The following APLF variants were observed in gnomAD, a reference collection of about 807,000 sequenced individuals.
The protein encoded by APLF is aprataxin and PNKP like factor, also known as aprataxin and PNK-like factor.
A neutral mutation model predicts 55.6 loss-of-function variants in APLF; 61 were observed. The observed-to-expected ratio is 1.10, with a 90% CI of 0.89 to 1.36. APLF has a LOEUF of 1.36. Among genes scored for constraint, APLF ranks in the 40% most tolerant of loss-of-function variants. The probability of loss-of-function intolerance (pLI) is 0.00; values close to 1 mark genes in which losing one functional copy is unlikely to be tolerated. For missense variants in APLF, 611 were observed against 602.5 expected (o/e 1.01, Z -0.15); for synonymous variants, 207 against 214.8 (o/e 0.96, Z 0.32).
chr2:68,548,507 A>G (rs551152414), intron 8 of APLF, among the ~76,000 whole-genome samples: 34 of 152,100 alleles, frequency 2.2e-4, no homozygotes, highest in African/African-American at 7.9e-4. Flanking sequence ...GACATTAGAC[A>G]CACATGCACA....
At chr2:68,484,092 C>CTT (rs541798903) in intron 1 of APLF, among the ~76,000 whole-genome samples, 1 of 152,086 alleles carries the variant, frequency 6.6e-6, no homozygotes, top group East Asian at 1.9e-4. Context: ...TACAAAATAT[C>CTT]TAAGTATTTC....
chr2:68,506,270 G>C (rs1369810019), intron 3 of APLF, among the ~76,000 whole-genome samples: 1 of 151,532 alleles, frequency 6.6e-6, no homozygotes, highest in Non-Finnish European at 1.5e-5. Flanking sequence ...GAAGCCATGA[G>C]GGGAGGTGGG....
Position 68,579,447 on chromosome 2 carries a change from TAC to T in APLF, c.*1426_*1427del. On this transcript the variant is annotated 3_prime_UTR_variant, in exon 10 of 10. Coordinates refer to ENST00000303795, the MANE Select transcript of APLF (RefSeq NM_173545.3). ...GTTACATAATCTACTCCTAGGTATA[TAC>T]CCAGAGGAATTGAAAACATTTCCAC... 5 of 923,958 alleles carry T rather than the reference TAC, an allele frequency of 5.4e-6. No individual in the cohort carries two copies. Among genetic ancestry groups the T allele is most frequent in the Non-Finnish European group, 6.5e-6 (5 of 773,940 alleles). 57.2% of individuals were successfully genotyped at this position (923,958 alleles called of 1,614,324 possible).
intron 9 of APLF, 31 bp downstream of exon 9, chr2:68,567,418 T>C: frequency 6.6e-7 from 1 of 1,519,574 alleles, no homozygotes; most frequent in South Asian, 1.2e-5. Context: ...AAATTCAAAA[T>C]GAAACCTTTA....
chr2:68,529,220 G>C lies in APLF; in HGVS notation c.804+2978G>C. On this transcript the variant is annotated intron_variant, in intron 6 of 9. Transcript: ENST00000303795. The surrounding 1 kb of genome is among the most constrained non-coding windows in gnomAD (Gnocchi z 4.4). The stretch of plus-strand genomic sequence containing the variant: ...CCTCTGTGGGGTGCCCGTGTTCCAA[G>C]GGATAAGACACAGCCTCATAAGGGT... 8.0e-7 allele frequency: 1 copy of C among 1,242,972 alleles called. No individual in the cohort carries two copies. The highest frequency in any genetic ancestry group is 1.1e-6 in the Non-Finnish European group (1 of 921,600). 77.0% of individuals were successfully genotyped at this position (1,242,972 alleles called of 1,614,324 possible). A position where few individuals can be genotyped will look rare whatever the true frequency, so the allele number is the denominator to read the frequency against.
intron 8 of APLF, among the ~76,000 whole-genome samples, chr2:68,550,719 C>G (rs1392263763): frequency 6.6e-6 from 1 of 152,068 alleles, no homozygotes; most frequent in African/African-American, 2.4e-5. Context: ...CCATAGGCAT[C>G]TGTGACTTAT....
At chr2:68,524,833 C>T (rs1669986767) in intron 5 of APLF, among the ~76,000 whole-genome samples, 1 of 152,190 alleles carries the variant, frequency 6.6e-6, no homozygotes, top group Non-Finnish European at 1.5e-5. Context: ...ATGAAGACAT[C>T]ACTCTCGAGT....
intron 7 of APLF, among the ~76,000 whole-genome samples, chr2:68,544,141 C>T (rs1670633526): frequency 6.6e-6 from 1 of 151,884 alleles, no homozygotes; most frequent in Non-Finnish European, 1.5e-5. Flanking sequence ...GCCACCAAGC[C>T]CGGCTAGTTG....
intron 2 of APLF, among the ~76,000 whole-genome samples, chr2:68,492,501 C>T (rs891795302): frequency 5.3e-5 from 8 of 151,908 alleles, no homozygotes; most frequent in Admixed American, 1.3e-4. Context: ...AAAAAGAGTA[C>T]TAATAATGTA....
intron 7 of APLF, among the ~76,000 whole-genome samples, chr2:68,539,717 T>A (rs1243679371): frequency 6.6e-6 from 1 of 152,110 alleles, no homozygotes; most frequent in Non-Finnish European, 1.5e-5. Flanking sequence ...ATGAAAAAAA[T>A]TCTTAATTAT....
At chr2:68,467,859 A>G in intron 1 of APLF, 32 bp downstream of exon 1, 1 of 1,227,168 alleles carries the variant, frequency 8.1e-7, no homozygotes, top group Non-Finnish European at 1.0e-6. Context: ...GCGGACCCCG[A>G]GAGCCGTGGA....
At chr2:68,509,172 A>C (rs1676965837) in intron 3 of APLF, among the ~76,000 whole-genome samples, 1 of 152,156 alleles carries the variant, frequency 6.6e-6, no homozygotes, top group African/African-American at 2.4e-5. Flanking sequence ...CAAGGACTTA[A>C]TGTCTAAAAC....
chr2:68,542,707 T>C (rs929087043), intron 7 of APLF, among the ~76,000 whole-genome samples: 3 of 152,138 alleles, frequency 2.0e-5, no homozygotes, highest in Admixed American at 1.3e-4. Context: ...GCATTGTTGA[T>C]GGGAGTGTAA....
chr2:68,512,572 T>A (rs1669418372), intron 3 of APLF, among the ~76,000 whole-genome samples: 1 of 151,854 alleles, frequency 6.6e-6, no homozygotes, highest in Admixed American at 6.6e-5. Context: ...ATGTTCCTGT[T>A]CCAGAACATT....
chr2:68,499,022 A>G (rs1351536403), intron 2 of APLF, among the ~76,000 whole-genome samples: 1 of 152,160 alleles, frequency 6.6e-6, no homozygotes, highest in Non-Finnish European at 1.5e-5. Context: ...GTTAAAAAAA[A>G]AAGCTTTCCA....
At chr2:68,536,562 A>T (rs568021726) in intron 6 of APLF, among the ~76,000 whole-genome samples, 44 of 152,166 alleles carry the variant, frequency 2.9e-4, no homozygotes, top group African/African-American at 1.0e-3. Context: ...ACTCCACGGG[A>T]AGTATAAGTA....
Position 68,580,019 on chromosome 2 carries a change from T to G in APLF, c.*1997T>G, listed in dbSNP as rs1241119148. The G allele has an allele frequency of 1.1e-6, 1 of 904,762 alleles. No homozygotes were observed. The highest frequency in any genetic ancestry group is 1.3e-6 in the Non-Finnish European group (1 of 756,550). The allele number at this position is 904,762 out of a possible 1,614,324, so 56.0% of individuals were successfully genotyped here. ...CAGTCTTTTAGAAGGAAAAAAATAT[T>G]TAATATCAAAGGATATTCTTCGTAG... On this transcript the variant is annotated 3_prime_UTR_variant, in exon 10 of 10. Coordinates refer to ENST00000303795, the MANE Select transcript of APLF (RefSeq NM_173545.3).
intron 1 of APLF, 100 bp downstream of exon 1, chr2:68,467,927 G>A (rs75670964): frequency 0.032 from 27,615 of 870,422 alleles, 503 homozygotes; most frequent in Middle Eastern, 0.046. Context: ...CCACCGCACT[G>A]GTCCGCCGGT....
rs1188166859 is a variant in APLF, at chr2:68,545,187, G to T, written c.1161G>T (p.Arg387Ser). The T allele has an allele frequency of 5.0e-6, 8 of 1,612,732 alleles. No individual in the cohort carries two copies. The highest frequency in any genetic ancestry group is 1.3e-5 in the African/African-American group (1 of 74,810). Residue 387 changes from arginine (R) to serine (S), a missense_variant and splice_region_variant, in exon 8 of 10, where the codon AGG becomes AGT. By Grantham distance (110) the Arg-to-Ser change is moderately radical. Coordinates refer to ENST00000303795, the MANE Select transcript of APLF (RefSeq NM_173545.3). ...TSCMYGANCY[R>S]KNPVHFQHFS... is the part of the protein sequence containing the mutation. ...GACAGTATATTTGTCGCCCTCCTAG[G>T]AAGAATCCTGTTCATTTTCAACATT... is the stretch of plus-strand genomic sequence containing the variant.
Sources: allele counts gnomAD v4.1 joint callset (sites outside exome capture counted in the v4.1 genomes callset), GRCh38; gene constraint gnomAD v4.1.1; non-coding constraint Gnocchi (gnomAD v3.1); transcripts MANE v1.5; gene names NCBI Gene and HGNC (gene_info 2026-07-23, HGNC 2026-07-21).